Variants in DPY19L2 observed in about 807,000 individuals in gnomAD.
DPY19L2 encodes probable C-mannosyltransferase DPY19L2.
In DPY19L2, 34 loss-of-function variants were observed where a neutral mutation model predicts 97.9. The observed-to-expected ratio is 0.35, with a 90% CI of 0.26 to 0.46. DPY19L2 has a LOEUF of 0.46. Ranked by LOEUF, DPY19L2 falls within the 20% of genes least tolerant of loss-of-function variation. DPY19L2 has a pLI of 1.00. For missense variants in DPY19L2, 623 were observed against 911.4 expected (o/e 0.68, Z 4.07); for synonymous variants, 230 against 307.9 (o/e 0.75, Z 2.65).
chr12:63,585,235 C>A (rs909656667), intron 16 of DPY19L2, among the ~76,000 whole-genome samples: 4 of 151,994 alleles, frequency 2.6e-5, no homozygotes, highest in Non-Finnish European at 5.9e-5. Context: ...GGGTATTTTA[C>A]TTTTATGAAA....
intron 4 of DPY19L2, among the ~76,000 whole-genome samples, chr12:63,658,557 ATTTCT>A (rs980612580): frequency 1.3e-5 from 2 of 152,060 alleles, no homozygotes; most frequent in Non-Finnish European, 2.9e-5. Flanking sequence ...TTTTGATTTT[ATTTCT>A]TTTCTTTTTT....
At chr12:63,580,586 C>T (rs1880698079) in intron 19 of DPY19L2, 76 bp downstream of exon 19, 2 of 1,364,126 alleles carry the variant, frequency 1.5e-6, no homozygotes, top group African/African-American at 2.9e-5. Context: ...TCAGAAATGA[C>T]AATAATTATA....
chr12:63,616,540 T>C (rs528891627), intron 11 of DPY19L2, among the ~76,000 whole-genome samples: 50 of 152,200 alleles, frequency 3.3e-4, no homozygotes, highest in African/African-American at 1.2e-3. Context: ...AGTGTGGAGA[T>C]GGGAGGTACA....
At chr12:63,620,112 T>C (rs1423253608) in intron 9 of DPY19L2, 1 of 351,052 alleles carries the variant, frequency 2.8e-6, no homozygotes, top group South Asian at 2.2e-5. Flanking sequence ...TCAGCATTTG[T>C]TATGTAGGAA....
intron 12 of DPY19L2, among the ~76,000 whole-genome samples, chr12:63,606,052 A>C (rs914985087): frequency 2.0e-5 from 3 of 152,136 alleles, no homozygotes; most frequent in Non-Finnish European, 4.4e-5. Context: ...TTCCTAATAC[A>C]TAAGGCATAT....
rs1399296434 is a variant in DPY19L2, at chr12:63,560,489, T to C, written c.*23A>G. ...GTTTTTGACACACGGCATTGTGCCA[T>C]AGTAAAATGGGTAGTATCCTTCTCA... is the stretch of plus-strand genomic sequence containing the variant. On this transcript the variant is annotated 3_prime_UTR_variant, in exon 22 of 22. Coordinates refer to ENST00000324472, the MANE Select transcript of DPY19L2 (RefSeq NM_173812.5). 1.9e-6 allele frequency: 3 copies of C among 1,608,914 alleles called. No individual in the cohort carries two copies. Among genetic ancestry groups the C allele is most frequent in the Admixed American group, 1.7e-5 (1 of 59,472 alleles).
intron 12 of DPY19L2, among the ~76,000 whole-genome samples, chr12:63,602,296 T>C (rs1482821005): frequency 6.6e-6 from 1 of 151,468 alleles, no homozygotes; most frequent in Admixed American, 6.6e-5. Context: ...AATCACAAGA[T>C]GATAAAAAGA....
upstream of DPY19L2, chr12:63,668,536 T>A: frequency 1.2e-6 from 1 of 863,720 alleles, no homozygotes; most frequent in South Asian, 1.8e-5. Flanking sequence ...TCATGGCGAC[T>A]GTGAAATGTG....
At chr12:63,641,661 T>C (rs1340099377) in intron 6 of DPY19L2, among the ~76,000 whole-genome samples, 1 of 152,052 alleles carries the variant, frequency 6.6e-6, no homozygotes, top group Non-Finnish European at 1.5e-5. Flanking sequence ...CTCATTATTG[T>C]ATACTGGTCC....
At chr12:63,627,392 C>T (rs1889743136) in intron 6 of DPY19L2, among the ~76,000 whole-genome samples, 1 of 152,136 alleles carries the variant, frequency 6.6e-6, no homozygotes, top group Admixed American at 6.5e-5. Context: ...CTCTGTCACC[C>T]AGGCTGGAGT....
At chr12:63,570,981 T>C in intron 19 of DPY19L2, 124 bp from the exon 20 acceptor site, 1 of 927,856 alleles carries the variant, frequency 1.1e-6, no homozygotes, top group East Asian at 2.9e-5. Context: ...ACCATGGACC[T>C]CATTCTTTTA....
At chr12:63,642,011 G>A (rs1892769785) in intron 6 of DPY19L2, among the ~76,000 whole-genome samples, 1 of 152,090 alleles carries the variant, frequency 6.6e-6, no homozygotes, top group South Asian at 2.1e-4. Context: ...ACTAATGATG[G>A]TGGACAACTT....
At chr12:63,632,187 A>T (rs1257961256) in intron 6 of DPY19L2, among the ~76,000 whole-genome samples, 4 of 152,068 alleles carry the variant, frequency 2.6e-5, no homozygotes, top group African/African-American at 9.7e-5. Context: ...CCACTCCTAT[A>T]CAACATATTG....
intron 13 of DPY19L2, 23 bp downstream of exon 13, chr12:63,600,283 T>A: frequency 6.4e-7 from 1 of 1,571,410 alleles, no homozygotes; most frequent in Non-Finnish European, 8.7e-7. Context: ...AGAACTTTCA[T>A]GTTTTAACTA....
intron 11 of DPY19L2, among the ~76,000 whole-genome samples, chr12:63,610,534 G>T (rs1886764968): frequency 6.6e-6 from 1 of 151,208 alleles, no homozygotes; most frequent in Admixed American, 6.6e-5. Flanking sequence ...TAAATTTCTA[G>T]AAACATACAA....
intron 11 of DPY19L2, among the ~76,000 whole-genome samples, chr12:63,612,275 G>T (rs1196825945): frequency 6.6e-6 from 1 of 151,920 alleles, no homozygotes; most frequent in Admixed American, 6.6e-5. Context: ...CAGACAGCAG[G>T]AATACAGTAG....
At chr12:63,652,361 T>G (rs1426392086) in intron 4 of DPY19L2, among the ~76,000 whole-genome samples, 5 of 152,164 alleles carry the variant, frequency 3.3e-5, no homozygotes, top group African/African-American at 1.2e-4. Context: ...GAAAGCAGTT[T>G]GGAAATTTCT....
chr12:63,590,036 G>A (rs187865553), intron 16 of DPY19L2, among the ~76,000 whole-genome samples: 1 of 152,200 alleles, frequency 6.6e-6, no homozygotes, highest in Admixed American at 6.5e-5. Context: ...GCTGGGGCAG[G>A]AGAATTGCTT....
intron 21 of DPY19L2, among the ~76,000 whole-genome samples, chr12:63,562,709 G>A (rs1282168042): frequency 8.6e-5 from 13 of 150,722 alleles, no homozygotes; most frequent in Admixed American, 7.3e-4. Flanking sequence ...ATTTAGTTAC[G>A]TCTCACTGTA....
Sources: gnomAD v4.1 joint callset for allele counts (sites outside exome capture counted in the v4.1 genomes callset) on GRCh38, gnomAD v4.1.1 for gene constraint, MANE v1.5 for transcripts, NCBI Gene and HGNC (gene_info 2026-07-23, HGNC 2026-07-21) for gene names.